The following RASEF variants were observed in gnomAD, a reference collection of about 807,000 sequenced individuals.
The protein encoded by RASEF is ras and EF-hand domain-containing protein.
A neutral mutation model predicts 90.1 loss-of-function variants in RASEF; 68 were observed. The observed-to-expected ratio is 0.75, with a 90% CI of 0.62 to 0.92. The LOEUF (loss-of-function observed/expected upper bound fraction) is 0.92, where lower values mean the gene tolerates loss of function less well. RASEF is among the 40% of genes least tolerant of loss of function. The pLI, the probability that RASEF is intolerant of heterozygous loss-of-function variation, is 0.00. For missense variants in RASEF, 949 were observed against 937.2 expected (o/e 1.01, Z -0.16); for synonymous variants, 331 against 345.2 (o/e 0.96, Z 0.46).
chr9:83,192,929 T>C, the RASEF span, among the ~76,000 whole-genome samples: 1 of 152,162 alleles, frequency 6.6e-6, no homozygotes, highest in African/African-American at 2.4e-5. Flanking sequence ...TGAAAAACCA[T>C]GAGAATGTGT....
chr9:83,099,722 G>A, the RASEF span, among the ~76,000 whole-genome samples: 2 of 152,180 alleles, frequency 1.3e-5, no homozygotes, highest in African/African-American at 4.8e-5. Flanking sequence ...CAGGAACTGC[G>A]CTTTGCTTGG....
chr9:83,012,111 C>A (rs1829257331), intron 5 of RASEF, among the ~76,000 whole-genome samples: 1 of 150,796 alleles, frequency 6.6e-6, no homozygotes, highest in African/African-American at 2.4e-5. Flanking sequence ...AGGGGCAAGG[C>A]ACTAATATCC....
chr9:83,075,611 T>C, the RASEF span, among the ~76,000 whole-genome samples: 9 of 152,192 alleles, frequency 5.9e-5, no homozygotes, highest in Non-Finnish European at 1.2e-4. Flanking sequence ...TACGGAAGCC[T>C]ATGAATTTGA....
the RASEF span, among the ~76,000 whole-genome samples, chr9:83,103,019 C>A: frequency 6.6e-6 from 1 of 152,196 alleles, no homozygotes; most frequent in Non-Finnish European, 1.5e-5. Context: ...TCTACACGGG[C>A]CACTTCCCTC....
At chr9:83,169,714 T>A in the RASEF span, among the ~76,000 whole-genome samples, 1 of 152,156 alleles carries the variant, frequency 6.6e-6, no homozygotes, top group South Asian at 2.1e-4. Context: ...GAGCATTTTT[T>A]CATATACCTA....
At chr9:83,100,231 C>T in the RASEF span, among the ~76,000 whole-genome samples, 2 of 152,140 alleles carry the variant, frequency 1.3e-5, no homozygotes, top group Non-Finnish European at 2.9e-5. Context: ...TGAATAACTT[C>T]TTTCAAGTAT....
intron 1 of RASEF, among the ~76,000 whole-genome samples, chr9:83,034,330 C>T (rs1030950571): frequency 6.6e-6 from 1 of 152,180 alleles, no homozygotes; most frequent in Non-Finnish European, 1.5e-5. Flanking sequence ...TTCAGTTTTG[C>T]TGTTGTCTGA....
At chr9:83,135,017 A>T in the RASEF span, among the ~76,000 whole-genome samples, 1 of 152,188 alleles carries the variant, frequency 6.6e-6, no homozygotes, top group South Asian at 2.1e-4. Context: ...GATTTCACTT[A>T]CATGAAACAT....
At chr9:83,117,179 A>G in the RASEF span, among the ~76,000 whole-genome samples, 1 of 152,336 alleles carries the variant, frequency 6.6e-6, no homozygotes, top group Admixed American at 6.5e-5. Context: ...ATATTATTCA[A>G]TTAGATTTTC....
the RASEF span, among the ~76,000 whole-genome samples, chr9:83,109,199 G>A: frequency 3.9e-5 from 6 of 152,278 alleles, no homozygotes; most frequent in South Asian, 2.1e-4. Context: ...TTTAGCCCCC[G>A]TGGTGCCTTG....
chr9:83,062,258 C>T (rs1830217028), intron 1 of RASEF, among the ~76,000 whole-genome samples, 179 bp downstream of exon 1: 1 of 152,080 alleles, frequency 6.6e-6, no homozygotes, highest in Non-Finnish European at 1.5e-5. Flanking sequence ...GACTCTCTGA[C>T]TCCTTTTTCT....
intron 4 of RASEF, among the ~76,000 whole-genome samples, chr9:83,013,490 A>G (rs537590120): frequency 7.2e-5 from 11 of 152,244 alleles, no homozygotes; most frequent in Non-Finnish European, 1.3e-4. Flanking sequence ...AAGAAAAACC[A>G]TCGGGAAAAA....
chr9:83,018,013 A>G (rs1829374834), intron 3 of RASEF, among the ~76,000 whole-genome samples: 1 of 152,194 alleles, frequency 6.6e-6, no homozygotes, highest in Non-Finnish European at 1.5e-5. Context: ...AACAGCAACA[A>G]CAATAATACT....
the RASEF span, among the ~76,000 whole-genome samples, chr9:83,122,068 CTTA>C: frequency 1.2e-4 from 19 of 152,080 alleles, no homozygotes; most frequent in African/African-American, 3.6e-4. Flanking sequence ...TTTTTAAAAA[CTTA>C]TTATCAATTA....
chr9:83,113,540 T>C, the RASEF span, among the ~76,000 whole-genome samples: 1 of 152,204 alleles, frequency 6.6e-6, no homozygotes, highest in African/African-American at 2.4e-5. Context: ...AGAAAGCTTA[T>C]AAATGGATGT....
the RASEF span, among the ~76,000 whole-genome samples, chr9:83,096,598 A>C: frequency 6.6e-6 from 1 of 151,642 alleles, no homozygotes; most frequent in Non-Finnish European, 1.5e-5. Context: ...CTGATCCCTC[A>C]CCTACAGGGG....
chr9:83,012,932 T>A (rs563955280), intron 4 of RASEF, among the ~76,000 whole-genome samples: 1 of 152,354 alleles, frequency 6.6e-6, no homozygotes, highest in African/African-American at 2.4e-5. Flanking sequence ...CAAGATTTTT[T>A]AAGAGCAGAA....
the RASEF span, among the ~76,000 whole-genome samples, chr9:83,214,635 G>T: frequency 2.1e-4 from 32 of 152,198 alleles, no homozygotes; most frequent in South Asian, 6.2e-4. Flanking sequence ...ATTGAATCAT[G>T]GTGGTGGGTT....
the RASEF span, among the ~76,000 whole-genome samples, chr9:83,091,993 TC>T: frequency 1.0e-3 from 148 of 143,530 alleles, no homozygotes; most frequent in Middle Eastern, 0.025. Context: ...ATATTCTTTT[TC>T]TTTTATTTCT....
Sources: gnomAD v4.1 joint callset for allele counts (sites outside exome capture counted in the v4.1 genomes callset) on GRCh38, gnomAD v4.1.1 for gene constraint, MANE v1.5 for transcripts, NCBI Gene and HGNC (gene_info 2026-07-23, HGNC 2026-07-21) for gene names.